TAS2R1: variants seen among roughly 807,000 people sequenced by gnomAD.
The protein encoded by TAS2R1 is taste receptor type 2 member 1.
For missense variants in TAS2R1, 370 were observed against 353.4 expected (o/e 1.05, Z -0.38); for synonymous variants, 141 against 134.2 (o/e 1.05, Z -0.35).
At chr5:9,763,150 T>C in the TAS2R1 span, among the ~76,000 whole-genome samples, 2 of 152,230 alleles carry the variant, frequency 1.3e-5, no homozygotes, top group African/African-American at 4.8e-5. Context: ...TTTTGAAGGA[T>C]TTTTAATTAA....
the TAS2R1 span, among the ~76,000 whole-genome samples, chr5:9,866,599 T>G: frequency 1.3e-5 from 2 of 152,208 alleles, no homozygotes; most frequent in Non-Finnish European, 2.9e-5. Flanking sequence ...AGGAATGGCA[T>G]GTTTCCAGTT....
the TAS2R1 span, among the ~76,000 whole-genome samples, chr5:9,893,056 C>T: frequency 1.3e-5 from 2 of 152,164 alleles, no homozygotes; most frequent in Admixed American, 1.3e-4. Context: ...GTCACTCCAG[C>T]TTTCTGGGAT....
the TAS2R1 span, among the ~76,000 whole-genome samples, chr5:9,895,503 C>T: frequency 0.012 from 1,839 of 152,300 alleles, 39 homozygotes; most frequent in African/African-American, 0.042. Context: ...ACTGGAATAG[C>T]GCTGCCTCAA....
the TAS2R1 span, among the ~76,000 whole-genome samples, chr5:9,781,342 G>A: frequency 3.9e-5 from 6 of 152,204 alleles, no homozygotes; most frequent in African/African-American, 9.6e-5. Context: ...TGCTGGCTCC[G>A]ACATCTCACA....
the TAS2R1 span, among the ~76,000 whole-genome samples, chr5:9,850,161 T>A: frequency 6.6e-6 from 1 of 152,066 alleles, no homozygotes; most frequent in Non-Finnish European, 1.5e-5. Flanking sequence ...CAGCTGAACA[T>A]CCTCTTCCCT....
At chr5:9,769,657 T>C in the TAS2R1 span, among the ~76,000 whole-genome samples, 141 of 152,334 alleles carry the variant, frequency 9.3e-4, no homozygotes, top group African/African-American at 3.3e-3. Context: ...AGTTCTCTGA[T>C]GGTCAGCGAT....
At chr5:9,782,544 T>C in the TAS2R1 span, among the ~76,000 whole-genome samples, 1 of 152,200 alleles carries the variant, frequency 6.6e-6, no homozygotes, top group East Asian at 1.9e-4. Flanking sequence ...TCAGGGCAAG[T>C]CAAAGCAAGA....
chr5:9,886,961 T>C, the TAS2R1 span, among the ~76,000 whole-genome samples: 2 of 152,198 alleles, frequency 1.3e-5, no homozygotes, highest in Non-Finnish European at 2.9e-5. Flanking sequence ...CAGCACAGCT[T>C]GACCACCGCC....
At chr5:9,828,125 T>C in the TAS2R1 span, among the ~76,000 whole-genome samples, 1 of 152,072 alleles carries the variant, frequency 6.6e-6, no homozygotes. Flanking sequence ...TTTATTTTTA[T>C]TTATTTATTT....
chr5:9,770,195 C>A, the TAS2R1 span, among the ~76,000 whole-genome samples: 2 of 152,106 alleles, frequency 1.3e-5, no homozygotes, highest in Non-Finnish European at 2.9e-5. Flanking sequence ...GTTCTTGGCA[C>A]CTTTGTCCAA....
At chr5:9,801,425 T>G in the TAS2R1 span, among the ~76,000 whole-genome samples, 2 of 152,220 alleles carry the variant, frequency 1.3e-5, no homozygotes, top group Non-Finnish European at 2.9e-5. Context: ...AGGACTAGCT[T>G]GCAGCTCCCA....
At chr5:9,704,490 AAAG>A (rs1741560228) in intron 1 of TAS2R1, among the ~76,000 whole-genome samples, 1 of 152,226 alleles carries the variant, frequency 6.6e-6, no homozygotes, top group African/African-American at 2.4e-5. Flanking sequence ...TAATACCCTC[AAAG>A]CACAGCAAAA....
the TAS2R1 span, among the ~76,000 whole-genome samples, chr5:9,732,372 T>C: frequency 2.6e-5 from 4 of 152,050 alleles, no homozygotes; most frequent in Middle Eastern, 3.2e-3. Flanking sequence ...TCTGAGTGAA[T>C]GGGGGAGTCA....
the TAS2R1 span, among the ~76,000 whole-genome samples, chr5:9,770,515 T>C: frequency 2.6e-5 from 4 of 152,210 alleles, no homozygotes; most frequent in African/African-American, 9.6e-5. Context: ...AGTATGGACA[T>C]TTTAACAATA....
the TAS2R1 span, among the ~76,000 whole-genome samples, chr5:9,788,394 G>A: frequency 1.3e-5 from 2 of 152,142 alleles, no homozygotes; most frequent in Non-Finnish European, 2.9e-5. Flanking sequence ...TCTATCCATT[G>A]CTTCTGCTGT....
the TAS2R1 span, chr5:9,761,145 G>T: frequency 3.3e-5 from 5 of 152,272 alleles, no homozygotes; most frequent in African/African-American, 1.2e-4. Flanking sequence ...CTTATAAATG[G>T]TTGCTCTTTC....
At chr5:9,645,882 C>A (rs1221992700) in intron 2 of TAS2R1, among the ~76,000 whole-genome samples, 2 of 152,146 alleles carry the variant, frequency 1.3e-5, no homozygotes, top group Non-Finnish European at 2.9e-5. Flanking sequence ...CAGAACCAGC[C>A]CTCACTTACT....
At chr5:9,824,563 A>T in the TAS2R1 span, among the ~76,000 whole-genome samples, 1 of 152,168 alleles carries the variant, frequency 6.6e-6, no homozygotes, top group Non-Finnish European at 1.5e-5. Context: ...TGGTCCGCCT[A>T]TGGCTCACTG....
the TAS2R1 span, among the ~76,000 whole-genome samples, chr5:9,813,676 T>C: frequency 2.0e-5 from 3 of 152,212 alleles, no homozygotes; most frequent in Non-Finnish European, 4.4e-5. Flanking sequence ...CTGATACATA[T>C]TGCATAAAGG....
Sources: allele counts gnomAD v4.1 joint callset (sites outside exome capture counted in the v4.1 genomes callset), GRCh38; gene constraint gnomAD v4.1.1; transcripts MANE v1.5; gene names NCBI Gene and HGNC (gene_info 2026-07-23, HGNC 2026-07-21).